HCRTR2: variants seen among roughly 807,000 people sequenced by gnomAD.
HCRTR2 encodes hypocretin receptor 2.
In HCRTR2, 22 loss-of-function variants were observed where a neutral mutation model predicts 49.0. That is an observed-to-expected ratio of 0.45 (90% CI 0.32 to 0.64). The LOEUF is 0.64. Ranked by LOEUF, HCRTR2 falls within the 30% of genes least tolerant of loss-of-function variation. HCRTR2 has a pLI of 0.04. For synonymous variants in HCRTR2, 236 were observed against 205.3 expected (o/e 1.15, Z -1.28); for missense variants, 491 against 559.4 (o/e 0.88, Z 1.23).
At chr6:55,217,307 C>T (rs771386327) in intron 1 of HCRTR2, among the ~76,000 whole-genome samples, 3 of 152,164 alleles carry the variant, frequency 2.0e-5, no homozygotes, top group Non-Finnish European at 4.4e-5. Context: ...CTTTAGCAAG[C>T]AGTTTTGCTG....
In HCRTR2 at chr6:55,158,338, C is replaced by T. The variant is rs528969189; in HGVS notation, c.-377-15873C>T. On this transcript the variant is annotated intron_variant, in intron 1 of 7. Coordinates refer to the HCRTR2 transcript ENST00000615358. ...GCCAGGAGATTCCCTCGGGTGCCTA[C>T]ACCACCAGGGCCTTGGGTTTCAAGT... Among the ~76,000 whole-genome samples, 107 of 152,330 alleles carry T rather than the reference C, an allele frequency of 7.0e-4. 1 individual carries two copies. Among genetic ancestry groups the T allele is most frequent in the Middle Eastern group, 3.4e-3 (1 of 294 alleles).
chr6:55,201,298 TA>T (rs35772353), intron 1 of HCRTR2, among the ~76,000 whole-genome samples: 37,535 of 151,942 alleles, frequency 0.25, 5,082 homozygotes, highest in African/African-American at 0.35. Flanking sequence ...ACATCAATAA[TA>T]ACAATTAGTA....
chr6:55,258,108 TA>T (rs1205979374), intron 3 of HCRTR2, among the ~76,000 whole-genome samples: 1 of 152,114 alleles, frequency 6.6e-6, no homozygotes, highest in African/African-American at 2.4e-5. Flanking sequence ...CACAACTTTT[TA>T]AAAAACCATA....
At chr6:55,223,515 A>G (rs570569030) in intron 1 of HCRTR2, among the ~76,000 whole-genome samples, 4 of 152,302 alleles carry the variant, frequency 2.6e-5, no homozygotes, top group Admixed American at 6.5e-5. Flanking sequence ...GGAACAAACT[A>G]CACTTGCAAA....
At chr6:55,158,942 C>T (rs1039598978) in intron 1 of HCRTR2, among the ~76,000 whole-genome samples, 1 of 152,154 alleles carries the variant, frequency 6.6e-6, no homozygotes, top group African/African-American at 2.4e-5. Context: ...CCCAGCACAG[C>T]GCTCGAGCTC....
chr6:55,109,574 T>C (rs991307359), intron 1 of HCRTR2, among the ~76,000 whole-genome samples: 1 of 151,776 alleles, frequency 6.6e-6, no homozygotes, highest in Non-Finnish European at 1.5e-5. Flanking sequence ...ACATGCAAAA[T>C]ACCTGGAAAT....
chr6:55,230,494 A>G (rs1766093519), intron 1 of HCRTR2, among the ~76,000 whole-genome samples: 1 of 152,144 alleles, frequency 6.6e-6, no homozygotes, highest in South Asian at 2.1e-4. Context: ...AGTAAATGGT[A>G]TTGTTTCCCC....
chr6:55,207,290 A>C (rs926070974), intron 1 of HCRTR2, among the ~76,000 whole-genome samples: 1 of 152,132 alleles, frequency 6.6e-6, no homozygotes, highest in Non-Finnish European at 1.5e-5. Context: ...AAAATGCTCA[A>C]TTATGAAAGC....
intron 2 of HCRTR2, among the ~76,000 whole-genome samples, chr6:55,253,308 C>T (rs924255611): frequency 1.2e-4 from 18 of 151,988 alleles, no homozygotes; most frequent in African/African-American, 4.3e-4. Flanking sequence ...AGAGAGAGAA[C>T]AGATAGTTCA....
intron 1 of HCRTR2, among the ~76,000 whole-genome samples, chr6:55,241,100 T>G (rs1461473895): frequency 1.3e-5 from 2 of 150,888 alleles, no homozygotes; most frequent in African/African-American, 4.9e-5. Context: ...ATTATGTATA[T>G]CTCCCAATGC....
chr6:55,179,877 G>A (rs1035824097), intron 1 of HCRTR2, among the ~76,000 whole-genome samples: 10 of 151,924 alleles, frequency 6.6e-5, no homozygotes, highest in Admixed American at 2.0e-4. Context: ...TTCTCACTCC[G>A]CTCCGAAACA....
At chr6:55,269,395 A>G (rs6916909) in intron 4 of HCRTR2, among the ~76,000 whole-genome samples, 4,131 of 152,230 alleles carry the variant, frequency 0.027, 204 homozygotes, top group African/African-American at 0.092. Flanking sequence ...AGGCATGACG[A>G]TCACAAAATA....
intron 1 of HCRTR2, among the ~76,000 whole-genome samples, chr6:55,197,391 G>A (rs1431950788): frequency 1.3e-5 from 2 of 151,964 alleles, no homozygotes; most frequent in African/African-American, 4.8e-5. Flanking sequence ...TCTAAACATA[G>A]GCCCAAATAT....
intron 1 of HCRTR2, 93 bp downstream of exon 1, chr6:55,174,903 GA>G (rs753403904): frequency 2.8e-5 from 26 of 942,052 alleles, no homozygotes; most frequent in Non-Finnish European, 4.5e-5. Flanking sequence ...CCTCCCCCGG[GA>G]AGCAAACAAA....
At chr6:55,118,138 G>A (rs888606796) in intron 1 of HCRTR2, among the ~76,000 whole-genome samples, 3 of 151,816 alleles carry the variant, frequency 2.0e-5, no homozygotes, top group Admixed American at 6.6e-5. Flanking sequence ...ACCTATAAGT[G>A]AGAACATGTG....
chr6:55,197,078 C>A (rs558129694), intron 1 of HCRTR2, among the ~76,000 whole-genome samples: 23 of 152,268 alleles, frequency 1.5e-4, no homozygotes, highest in Admixed American at 3.3e-4. Flanking sequence ...CCATCTGCCC[C>A]TTTTACCCTA....
intron 1 of HCRTR2, among the ~76,000 whole-genome samples, chr6:55,155,703 G>GA (rs1173515659): frequency 2.6e-5 from 4 of 151,866 alleles, no homozygotes; most frequent in African/African-American, 9.7e-5. Flanking sequence ...AAACATTATA[G>GA]AAAAAAAGTT....
chr6:55,268,015 T>C (rs934619417), intron 4 of HCRTR2, among the ~76,000 whole-genome samples: 2 of 152,134 alleles, frequency 1.3e-5, no homozygotes, highest in African/African-American at 4.8e-5. Flanking sequence ...TATAAAATTG[T>C]GAAGATTCAC....
At position 55,207,892 on chromosome 6, in the gene HCRTR2, A is replaced by G. The variant is rs577643379; in HGVS notation, c.223+33082A>G. ...TTAATATATATCTGCATTCATTTTA[A>G]AAGTCTGCTACAACTACAGATAGAG... On this transcript the variant is annotated intron_variant, in intron 1 of 6. Coordinates refer to ENST00000370862, the MANE Select transcript of HCRTR2 (RefSeq NM_001384272.1). 3.9e-5 allele frequency among the ~76,000 whole-genome samples: 6 copies of G among 152,334 alleles called. No individual in the cohort carries two copies. The South Asian group carries it at 8.3e-4, about 21-fold the overall frequency.
Sources: gnomAD v4.1 joint callset for allele counts (sites outside exome capture counted in the v4.1 genomes callset) on GRCh38, gnomAD v4.1.1 for gene constraint, MANE v1.5 for transcripts, NCBI Gene and HGNC (gene_info 2026-07-23, HGNC 2026-07-21) for gene names.